Variants in SDK1 observed in about 807,000 individuals in gnomAD.
SDK1 encodes sidekick cell adhesion molecule 1, also known as protein sidekick-1.
SDK1 carries 157 observed loss-of-function variants against 245.5 expected under a neutral mutation model. That is an observed-to-expected ratio of 0.64 (90% CI 0.56 to 0.73). SDK1 has a LOEUF of 0.73. Ranked by LOEUF, SDK1 falls within the 30% of genes least tolerant of loss-of-function variation. The probability of loss-of-function intolerance (pLI) is 0.00; values close to 1 mark genes in which losing one functional copy is unlikely to be tolerated. For synonymous variants in SDK1, 1,647 were observed against 1,278.5 expected (o/e 1.29, Z -6.15); for missense variants, 3,583 against 3,002.3 (o/e 1.19, Z -4.52).
chr7:3,569,647 A>G (rs1408254794), intron 1 of SDK1, among the ~76,000 whole-genome samples: 4 of 152,258 alleles, frequency 2.6e-5, no homozygotes, highest in African/African-American at 9.6e-5. Flanking sequence ...AAGTGCTCAC[A>G]AGAGCAGACC....
chr7:3,918,453 T>C (rs1377790646), intron 5 of SDK1, among the ~76,000 whole-genome samples: 1 of 152,202 alleles, frequency 6.6e-6, no homozygotes, highest in Non-Finnish European at 1.5e-5. Flanking sequence ...ACACGCCTTA[T>C]GAGAATCTAA....
chr7:3,790,180 G>C (rs1781035307), intron 4 of SDK1, among the ~76,000 whole-genome samples: 2 of 152,156 alleles, frequency 1.3e-5, no homozygotes, highest in South Asian at 4.1e-4. Flanking sequence ...TCAGACACCA[G>C]CAACTGATGT....
chr7:3,420,148 T>C (rs1020820286), intron 1 of SDK1, among the ~76,000 whole-genome samples: 80 of 152,224 alleles, frequency 5.3e-4, no homozygotes, highest in African/African-American at 1.9e-3. Flanking sequence ...CTACTTAATA[T>C]TCAATGTGGT....
intron 1 of SDK1, among the ~76,000 whole-genome samples, chr7:3,462,422 G>C (rs1280735574): frequency 3.9e-5 from 6 of 152,054 alleles, no homozygotes; most frequent in Non-Finnish European, 8.8e-5. Flanking sequence ...ACCTAGTTCT[G>C]TTCCATTCTC....
At chr7:3,703,535 AGTG>A (rs1386848586) in intron 4 of SDK1, among the ~76,000 whole-genome samples, 1 of 152,166 alleles carries the variant, frequency 6.6e-6, no homozygotes, top group African/African-American at 2.4e-5. Context: ...GCTGGACTGT[AGTG>A]GTGGTGAAGT....
chr7:3,890,272 T>C (rs1458435591), intron 5 of SDK1, among the ~76,000 whole-genome samples: 2 of 152,244 alleles, frequency 1.3e-5, no homozygotes, highest in Non-Finnish European at 2.9e-5. Flanking sequence ...ATGGAGTTGT[T>C]GAGCACTTAC....
intron 5 of SDK1, among the ~76,000 whole-genome samples, chr7:3,918,170 G>A (rs567582039): frequency 1.8e-4 from 27 of 152,272 alleles, no homozygotes; most frequent in African/African-American, 6.3e-4. Context: ...CATGGGCCAC[G>A]TGTCTTCCCT....
rs181617457 is a variant in SDK1 at position 3,719,932 on chromosome 7, G to A, written c.713+77827G>A. ...GCGGAAGTTGCAGTGAGCCGAGATCGTGCCACTGCACCCCAGTCTGGTGAC... is the reference window on the plus strand; with the variant it reads ...GCGGAAGTTGCAGTGAGCCGAGATCATGCCACTGCACCCCAGTCTGGTGAC... On this transcript the variant is annotated intron_variant, in intron 4 of 44. Coordinates refer to ENST00000404826, the MANE Select transcript of SDK1 (RefSeq NM_152744.4). Among the ~76,000 whole-genome samples the A allele has an allele frequency of 7.9e-5, 12 of 151,508 alleles. No homozygotes were observed. The East Asian group carries it at 1.9e-3, about 25-fold the overall frequency.
At position 4,145,827 on chromosome 7, in the gene SDK1, A is replaced by C; in HGVS notation, c.4334A>C (p.Glu1445Ala). The change falls in exon 29 of 45, where the codon GAG becomes GCG. Residue 1445 changes from glutamate to alanine, a missense_variant. Coordinates refer to ENST00000404826, the MANE Select transcript of SDK1 (RefSeq NM_152744.4). Reference protein sequence around the residue: ...RQFTATDLAPESAYIFRLSAK... With the variant: ...RQFTATDLAPASAYIFRLSAK... ...TTCACAGCCACCGACCTGGCCCCGGAGTCCGCATACATCTTCAGGCTGTCC... is the reference window on the plus strand; with the variant it reads ...TTCACAGCCACCGACCTGGCCCCGGCGTCCGCATACATCTTCAGGCTGTCC... The C allele has an allele frequency of 5.0e-6, 8 of 1,613,798 alleles. No homozygotes were observed. The highest frequency in any genetic ancestry group is 5.9e-6 in the Non-Finnish European group (7 of 1,179,944).
chr7:3,868,738 G>T (rs1417655621), intron 5 of SDK1, among the ~76,000 whole-genome samples: 2 of 152,052 alleles, frequency 1.3e-5, no homozygotes, highest in Non-Finnish European at 2.9e-5. Flanking sequence ...CATAAACCAA[G>T]GGCACTTCCA....
At chr7:3,524,455 C>G (rs1369759924) in intron 1 of SDK1, among the ~76,000 whole-genome samples, 1 of 152,002 alleles carries the variant, frequency 6.6e-6, no homozygotes, top group African/African-American at 2.4e-5. Context: ...GTACAGATGG[C>G]AGGAAGTATA....
rs930982525 is a variant in SDK1, at chr7:3,314,200, C to G, written c.298+12316C>G. ...CAAGCCATGTTGGAATCTGGGGACT[C>G]AGATTGGCACGTGGAAATACAAAGA... On this transcript the variant is annotated intron_variant, in intron 1 of 44. Coordinates refer to ENST00000404826, the MANE Select transcript of SDK1 (RefSeq NM_152744.4). Among the ~76,000 whole-genome samples, 11 of 152,242 alleles carry G rather than the reference C, an allele frequency of 7.2e-5. 1 individual carries two copies. Among genetic ancestry groups the G allele is most frequent in the Admixed American group, 6.5e-4 (10 of 15,294 alleles).
Position 3,813,357 on chromosome 7 carries a change from C to T in SDK1, c.714-8093C>T, listed in dbSNP as rs567687137. On this transcript the variant is annotated intron_variant, in intron 4 of 44. Coordinates refer to ENST00000404826, the MANE Select transcript of SDK1 (RefSeq NM_152744.4). ...TTTCCCACCTATGAGTGAGAATAGG[C>T]GGTGTTTGGTTTTTTGTTCTTGCGA... is the stretch of plus-strand genomic sequence containing the variant. 7.4e-3 allele frequency among the ~76,000 whole-genome samples: 1,074 copies of T among 146,114 alleles called. 19 individuals are homozygous for T. Among genetic ancestry groups the T allele is most frequent in the African/African-American group, 0.025 (991 of 39,366 alleles).
chr7:3,960,064 C>G (rs577822476), intron 8 of SDK1, among the ~76,000 whole-genome samples: 2 of 152,330 alleles, frequency 1.3e-5, no homozygotes, highest in Admixed American at 6.5e-5. Context: ...ATAGTATTTT[C>G]TCCTACTCCC....
At position 3,307,911 on chromosome 7, in the gene SDK1, A is replaced by G. The variant is rs891471208; in HGVS notation, c.298+6027A>G. ...GTTGTCTTCCTTTCTGCCCTTCACT[A>G]GAGTCTGCATGTGTCTCCTGTCTGG... On this transcript the variant is annotated intron_variant, in intron 1 of 44. Coordinates refer to ENST00000404826, the MANE Select transcript of SDK1 (RefSeq NM_152744.4). 5.9e-5 allele frequency among the ~76,000 whole-genome samples: 9 copies of G among 152,106 alleles called. No homozygotes were observed. The East Asian group carries it at 1.5e-3, about 26-fold the overall frequency.
intron 35 of SDK1, among the ~76,000 whole-genome samples, chr7:4,187,752 C>A (rs1417486128): frequency 6.6e-6 from 1 of 152,136 alleles, no homozygotes; most frequent in East Asian, 1.9e-4. Flanking sequence ...GAAGGGAACA[C>A]AAGGGGAACG....
chr7:4,086,921 T>C (rs1004112844), intron 22 of SDK1, among the ~76,000 whole-genome samples: 1 of 151,594 alleles, frequency 6.6e-6, no homozygotes, highest in Admixed American at 6.6e-5. Context: ...GTTGGCTGGA[T>C]CACAAGGCAA....
intron 5 of SDK1, among the ~76,000 whole-genome samples, chr7:3,914,162 T>TTA (rs1223018556): frequency 6.6e-6 from 1 of 152,244 alleles, no homozygotes; most frequent in East Asian, 1.9e-4. Flanking sequence ...AGCATTTGCA[T>TTA]TATACAGTTC....
intron 14 of SDK1, among the ~76,000 whole-genome samples, chr7:3,993,271 G>A (rs140045758): frequency 6.6e-6 from 1 of 152,162 alleles, no homozygotes; most frequent in Non-Finnish European, 1.5e-5. Context: ...GTTTTCCTTG[G>A]GCTGGACAAA....
Sources: gnomAD v4.1 joint callset for allele counts (sites outside exome capture counted in the v4.1 genomes callset) on GRCh38, gnomAD v4.1.1 for gene constraint, MANE v1.5 for transcripts, NCBI Gene and HGNC (gene_info 2026-07-23, HGNC 2026-07-21) for gene names.